ROBO2: variants seen among roughly 807,000 people sequenced by gnomAD.
ROBO2 encodes roundabout guidance receptor 2, also known as roundabout homolog 2.
ROBO2 carries 53 observed loss-of-function variants against 160.8 expected under a neutral mutation model. The observed-to-expected ratio is 0.33, with a 90% confidence interval of 0.26 to 0.41. ROBO2 has a LOEUF of 0.41. ROBO2 is among the 10% of genes least tolerant of loss of function. The pLI is 1.00. For missense variants in ROBO2, 1,577 were observed against 1,722.4 expected (o/e 0.92, Z 1.49); for synonymous variants, 664 against 611.7 (o/e 1.09, Z -1.26).
intron 2 of ROBO2, among the ~76,000 whole-genome samples, chr3:76,091,247 A>G (rs541840313): frequency 6.6e-6 from 1 of 152,166 alleles, no homozygotes; most frequent in Non-Finnish European, 1.5e-5. Context: ...AACAATAAAT[A>G]ACTCAATTAA....
intron 2 of ROBO2, among the ~76,000 whole-genome samples, chr3:75,976,382 A>G (rs545409354): frequency 5.9e-5 from 9 of 151,718 alleles, no homozygotes; most frequent in Admixed American, 2.6e-4. Context: ...AGATTGAACT[A>G]CAACTGTGGG....
rs137910693 is a variant in ROBO2, at chr3:76,025,927, C to T, written c.109+88325C>T. ...CCAGTCCAGAATTTCTACATGAGCTCTACCATCCTATTAGACATTTTCTCC... is the reference window on the plus strand; with the variant it reads ...CCAGTCCAGAATTTCTACATGAGCTTTACCATCCTATTAGACATTTTCTCC... On this transcript the variant is annotated intron_variant, in intron 2 of 26. Coordinates refer to the ROBO2 transcript ENST00000487694. Among the ~76,000 whole-genome samples, 21 of 151,978 alleles carry T rather than the reference C, an allele frequency of 1.4e-4. 1 individual carries two copies. The South Asian group carries it at 3.5e-3, about 25-fold the overall frequency.
Position 77,607,780 on chromosome 3 carries a change from A to G in ROBO2, c.3137-18A>G, listed in dbSNP as rs766134011. 5 of 1,611,690 alleles carry G rather than the reference A, an allele frequency of 3.1e-6. No individual in the cohort carries two copies. In the Admixed American group the frequency reaches 8.3e-5, roughly 27 times the overall value. ...TCTGCTATTTGGCATCTCTGAATAA[A>G]TACGTTATTACTTTCAGGTGGGAAA... On this transcript the variant is annotated intron_variant, in intron 20 of 25. Coordinates refer to ENST00000461745, the Ensembl canonical transcript of ROBO2.
intron 1 of ROBO2, among the ~76,000 whole-genome samples, chr3:77,052,671 G>A (rs567092635): frequency 3.9e-5 from 6 of 152,152 alleles, no homozygotes; most frequent in African/African-American, 1.2e-4. Context: ...CAATTGAAAC[G>A]GTAATAATAT....
intron 2 of ROBO2, among the ~76,000 whole-genome samples, chr3:76,774,628 C>A (rs143841829): frequency 1.2e-3 from 185 of 150,724 alleles, no homozygotes; most frequent in African/African-American, 4.4e-3. Flanking sequence ...GGGATAAGGA[C>A]AATAAGATGG....
chr3:75,922,784 G>A (rs765864279), intron 1 of ROBO2, among the ~76,000 whole-genome samples: 1 of 152,050 alleles, frequency 6.6e-6, no homozygotes, highest in Non-Finnish European at 1.5e-5. Flanking sequence ...TTTTGAAAAT[G>A]TTTAAAGAAT....
intron 2 of ROBO2, among the ~76,000 whole-genome samples, chr3:76,506,262 G>T (rs1169952795): frequency 6.6e-6 from 1 of 152,126 alleles, no homozygotes; most frequent in Non-Finnish European, 1.5e-5. Context: ...TGGAGTCTGG[G>T]AAGTCCAAGA....
chr3:77,576,522 A>G (rs1435485392), intron 14 of ROBO2, among the ~76,000 whole-genome samples: 1 of 152,122 alleles, frequency 6.6e-6, no homozygotes, highest in Non-Finnish European at 1.5e-5. Context: ...TTTGATTTTA[A>G]TTCAGAGAAT....
At chr3:76,393,792 C>A (rs1190455472) in intron 2 of ROBO2, among the ~76,000 whole-genome samples, 1 of 152,160 alleles carries the variant, frequency 6.6e-6, no homozygotes, top group Non-Finnish European at 1.5e-5. Context: ...ATGTCAGTTC[C>A]TCAGCATGAA....
chr3:76,641,616 A>T (rs561504310), intron 2 of ROBO2, among the ~76,000 whole-genome samples: 1 of 152,326 alleles, frequency 6.6e-6, no homozygotes, highest in Non-Finnish European at 1.5e-5. Context: ...ATGTTTGAGA[A>T]AAACAAAAAA....
chr3:76,556,062 C>T (rs1347231342), intron 2 of ROBO2, among the ~76,000 whole-genome samples: 2 of 151,630 alleles, frequency 1.3e-5, no homozygotes, highest in African/African-American at 4.9e-5. Context: ...ATCATGCCAT[C>T]GCACTCCAGG....
chr3:75,930,515 G>C (rs1315329908), intron 1 of ROBO2, among the ~76,000 whole-genome samples: 1 of 152,046 alleles, frequency 6.6e-6, no homozygotes, highest in Non-Finnish European at 1.5e-5. Context: ...TAAGGGTTCT[G>C]TCCTAATTGC....
At chr3:76,870,223 G>A (rs1390319578) in intron 2 of ROBO2, among the ~76,000 whole-genome samples, 1 of 152,162 alleles carries the variant, frequency 6.6e-6, no homozygotes, top group Non-Finnish European at 1.5e-5. Flanking sequence ...GTGGCCTTGT[G>A]CAAATAAATG....
At chr3:76,703,416 G>A (rs967164095) in intron 2 of ROBO2, among the ~76,000 whole-genome samples, 5 of 152,084 alleles carry the variant, frequency 3.3e-5, no homozygotes, top group Admixed American at 3.3e-4. Context: ...TGCAGAACGT[G>A]CAGGTTTGTT....
At chr3:76,377,159 A>G (rs1296721103) in intron 2 of ROBO2, among the ~76,000 whole-genome samples, 7 of 152,164 alleles carry the variant, frequency 4.6e-5, no homozygotes, top group Admixed American at 3.9e-4. Flanking sequence ...CAGAAGATTT[A>G]TATCTATGGA....
At chr3:77,060,190 G>A (rs533549526) in intron 1 of ROBO2, among the ~76,000 whole-genome samples, 1 of 152,212 alleles carries the variant, frequency 6.6e-6, no homozygotes, top group East Asian at 1.9e-4. Context: ...AGCATTGGGT[G>A]TGTTGGTGAA....
chr3:77,408,102 A>C (rs1353754616), intron 2 of ROBO2, among the ~76,000 whole-genome samples: 9 of 93,628 alleles, frequency 9.6e-5, no homozygotes, highest in East Asian at 7.0e-4. Context: ...AAAACAAAAA[A>C]AAAAATAAAC....
intron 2 of ROBO2, among the ~76,000 whole-genome samples, chr3:76,437,234 A>G (rs532356650): frequency 6.6e-6 from 1 of 152,296 alleles, no homozygotes; most frequent in East Asian, 1.9e-4. Flanking sequence ...ATTTTAAGGA[A>G]AAACATTTTA....
At chr3:76,250,687 G>A (rs985331497) in intron 2 of ROBO2, among the ~76,000 whole-genome samples, 2 of 151,936 alleles carry the variant, frequency 1.3e-5, no homozygotes. Flanking sequence ...TGACATATCT[G>A]GTAAAGCACT....
Sources: allele counts gnomAD v4.1 joint callset (sites outside exome capture counted in the v4.1 genomes callset), GRCh38; gene constraint gnomAD v4.1.1; transcripts MANE v1.5; gene names NCBI Gene and HGNC (gene_info 2026-07-23, HGNC 2026-07-21).